The following POLR3GL variants were observed in gnomAD, a reference collection of about 807,000 sequenced individuals.
POLR3GL encodes RNA polymerase III subunit GL.
Under a neutral mutation model 32.4 loss-of-function variants are expected in POLR3GL, and 26 were observed. The observed-to-expected ratio is 0.80, with a 90% CI of 0.59 to 1.11. POLR3GL has a LOEUF of 1.11. Among genes scored for constraint, POLR3GL ranks in the 50% most tolerant of loss-of-function variants. The probability of loss-of-function intolerance (pLI) is 0.00; values close to 1 mark genes in which losing one functional copy is unlikely to be tolerated. For missense variants in POLR3GL, 229 were observed against 280.1 expected (o/e 0.82, Z 1.30); for synonymous variants, 95 against 98.7 (o/e 0.96, Z 0.22).
chr1:145,973,576 G>A (rs1650417146), intron 1 of POLR3GL, among the ~76,000 whole-genome samples: 1 of 152,114 alleles, frequency 6.6e-6, no homozygotes, highest in Non-Finnish European at 1.5e-5. Context: ...GCCAGGCTTG[G>A]TGGCACATGC....
rs1458070462 is a variant in POLR3GL at position 145,978,766 on chromosome 1, C to A, written c.*319C>A. On this transcript the variant is annotated 3_prime_UTR_variant, in exon 8 of 8. Coordinates refer to ENST00000369314, the MANE Select transcript of POLR3GL (RefSeq NM_032305.3). Reference sequence around the variant, plus strand: ...ATACCCCTGCCCAATTTATATAGCTCTTTGTGGAGATAATTAGGGGTGGGA... The same window carrying A: ...ATACCCCTGCCCAATTTATATAGCTATTTGTGGAGATAATTAGGGGTGGGA... The A allele has an allele frequency of 3.7e-6, 1 of 266,682 alleles. No homozygotes were observed. The highest frequency in any genetic ancestry group is 7.1e-6 in the Non-Finnish European group (1 of 140,992). The allele number at this position is 266,682 out of a possible 1,614,324, so 16.5% of individuals were successfully genotyped here.
At chr1:145,972,012 A>ATATGTG (rs782186587) in intron 1 of POLR3GL, among the ~76,000 whole-genome samples, 24 of 112,592 alleles carry the variant, frequency 2.1e-4, no homozygotes, top group African/African-American at 7.8e-4. Context: ...ATATATATAT[A>ATATGTG]CGTGTGTGTG....
chr1:145,976,942 T>A, intron 3 of POLR3GL, 142 bp from the exon 4 acceptor site: 1 of 587,296 alleles, frequency 1.7e-6, no homozygotes, highest in Non-Finnish European at 3.0e-6. Flanking sequence ...GTAGATAAGG[T>A]CCTCACTGAA....
chr1:145,966,730 G>A (rs998375806), intron 1 of POLR3GL, among the ~76,000 whole-genome samples: 7 of 151,572 alleles, frequency 4.6e-5, no homozygotes, highest in South Asian at 2.1e-4. Context: ...TGGAGGTTGC[G>A]GTGAGCTGAG....
At chr1:145,975,471 C>T (rs1553763277) in intron 3 of POLR3GL, 35 bp downstream of exon 3, 9 of 1,605,784 alleles carry the variant, frequency 5.6e-6, no homozygotes, top group Admixed American at 1.7e-5. Context: ...TTCTGAGTGC[C>T]TTCCATGGGG....
At chr1:145,968,254 A>G (rs28754746) in intron 1 of POLR3GL, among the ~76,000 whole-genome samples, 1 of 152,220 alleles carries the variant, frequency 6.6e-6, no homozygotes, top group African/African-American at 2.4e-5. Flanking sequence ...ACTCCATCAC[A>G]ATCTTTAATA....
chr1:145,977,993 A>C lies in POLR3GL; in HGVS notation c.467A>C (p.Lys156Thr). 6.2e-7 allele frequency: 1 copy of C among 1,613,240 alleles called. No individual in the cohort carries two copies. Among genetic ancestry groups the C allele is most frequent in the Non-Finnish European group, 8.5e-7 (1 of 1,179,244 alleles). ...TCATCCCCACATGAGACCCTGGAGAAGAAGGAAGAAGAAGTAACTTCAGAG... is the reference window on the plus strand; with the variant it reads ...TCATCCCCACATGAGACCCTGGAGACGAAGGAAGAAGAAGTAACTTCAGAG... Reference protein sequence around the residue: ...ETIQKLETLEKKEEEVTSEED... With the variant: ...ETIQKLETLETKEEEVTSEED... The change falls in exon 7 of 8, where the codon AAG becomes ACG. Residue 156 changes from lysine (K) to threonine (T), a missense_variant. Transcript: ENST00000369314.
In POLR3GL at chr1:145,971,004, A is replaced by G. The variant is rs1388965911; in HGVS notation, c.-41-3821A>G. Among the ~76,000 whole-genome samples, 3 of 150,078 alleles carry G rather than the reference A, an allele frequency of 2.0e-5. No individual in the cohort carries two copies. The Admixed American group carries it at 2.0e-4, about 10-fold the overall frequency. The stretch of plus-strand genomic sequence containing the variant: ...GTGGAGACCAGCCTGACCAACATGG[A>G]GAAACCCCCTCTGTACTAAAAAAAG... On this transcript the variant is annotated intron_variant, in intron 1 of 7. Coordinates refer to ENST00000369314, the MANE Select transcript of POLR3GL (RefSeq NM_032305.3).
At chr1:145,971,689 G>A (rs1010715872) in intron 1 of POLR3GL, among the ~76,000 whole-genome samples, 1 of 151,960 alleles carries the variant, frequency 6.6e-6, no homozygotes, top group East Asian at 1.9e-4. Flanking sequence ...AATGAGGGCC[G>A]GGTGCAGTGG....
At chr1:145,975,129 G>A in intron 2 of POLR3GL, 138 bp downstream of exon 2, 2 of 1,323,056 alleles carry the variant, frequency 1.5e-6, no homozygotes, top group Non-Finnish European at 2.1e-6. Context: ...GGGATGTTTT[G>A]CAGGCAAAGA....
At chr1:145,964,994 A>G (rs1553761847) in intron 1 of POLR3GL, among the ~76,000 whole-genome samples, 1 of 152,200 alleles carries the variant, frequency 6.6e-6, no homozygotes, top group African/African-American at 2.4e-5. Flanking sequence ...AGCCTCTTGT[A>G]TCTGTCTTTG....
rs369500878 is a variant in POLR3GL, at chr1:145,975,329, C to G, written c.149C>G (p.Pro50Arg). ...LFPPLEFRPVPLPSGEEGEYV... is the reference protein window; with the variant it reads ...LFPPLEFRPVRLPSGEEGEYV... ...TAGCCCTTGGAGTTCCGCCCAGTAC[C>G]TTTGCCCTCAGGCGAGGAAGGGGAA... Residue 50 changes from proline to arginine, a missense_variant, in exon 3 of 8, where the codon CCT becomes CGT. By Grantham distance (103) the Pro-to-Arg change is moderately radical. Transcript: ENST00000369314. 1 of 1,614,064 alleles carries G rather than the reference C, an allele frequency of 6.2e-7. No individual in the cohort carries two copies. The highest frequency in any genetic ancestry group is 8.5e-7 in the Non-Finnish European group (1 of 1,179,994).
intron 1 of POLR3GL, among the ~76,000 whole-genome samples, chr1:145,969,981 A>G (rs1163375013): frequency 1.3e-5 from 2 of 151,744 alleles, no homozygotes; most frequent in African/African-American, 4.8e-5. Flanking sequence ...AAAAACCCTC[A>G]TCCTTCAAAT....
chr1:145,968,573 CTTT>C (rs1320272952), intron 1 of POLR3GL, among the ~76,000 whole-genome samples: 10 of 137,668 alleles, frequency 7.3e-5, no homozygotes, highest in Admixed American at 1.5e-4. Context: ...GTGACAAATT[CTTT>C]TTTTTTTTTT....
chr1:145,977,383 TCC>T, intron 4 of POLR3GL, 98 bp from the exon 5 acceptor site: 1 of 1,222,456 alleles, frequency 8.2e-7, no homozygotes. Context: ...GCCCCTTCCT[TCC>T]TCTCCTTTAA....
intron 3 of POLR3GL, among the ~76,000 whole-genome samples, chr1:145,976,411 T>C (rs1388111238): frequency 6.7e-6 from 1 of 150,276 alleles, no homozygotes; most frequent in Non-Finnish European, 1.5e-5. Flanking sequence ...ACCCCGTCTC[T>C]ACAAAAAATA....
intron 1 of POLR3GL, among the ~76,000 whole-genome samples, chr1:145,966,108 C>A (rs1336576705): frequency 3.0e-5 from 4 of 131,342 alleles, no homozygotes; most frequent in Non-Finnish European, 6.3e-5. Context: ...AAGAGCAAAA[C>A]TCCCTCTCAA....
intron 7 of POLR3GL, 120 bp downstream of exon 7, chr1:145,978,216 C>T (rs879977900): frequency 2.2e-6 from 3 of 1,393,506 alleles, no homozygotes; most frequent in Non-Finnish European, 2.9e-6. Flanking sequence ...GGGCTTCTCT[C>T]TACTTCATCT....
chr1:145,978,268 C>G (rs1026854310), intron 7 of POLR3GL, 93 bp from the exon 8 acceptor site: 3 of 1,306,048 alleles, frequency 2.3e-6, no homozygotes, highest in Non-Finnish European at 3.3e-6. Flanking sequence ...ATGTCTCAGG[C>G]CTGGAATGGT....
Sources: allele counts gnomAD v4.1 joint callset (sites outside exome capture counted in the v4.1 genomes callset), GRCh38; gene constraint gnomAD v4.1.1; transcripts MANE v1.5; gene names NCBI Gene and HGNC (gene_info 2026-07-23, HGNC 2026-07-21).